Variants in C16orf46 observed in about 807,000 individuals in gnomAD.
C16orf46 encodes the protein chromosome 16 open reading frame 46.
A neutral mutation model predicts 5.5 loss-of-function variants in C16orf46; 7 were observed. The ratio of observed to expected loss-of-function variants is 1.28; its 90% CI spans 0.73 to 2.40. The LOEUF (loss-of-function observed/expected upper bound fraction) is 2.40, where lower values mean the gene tolerates loss of function less well. C16orf46 is among the 30% of genes most tolerant of loss of function. C16orf46 has a pLI of 0.00. For missense variants in C16orf46, 614 were observed against 476.0 expected (o/e 1.29, Z -2.70); for synonymous variants, 200 against 184.1 (o/e 1.09, Z -0.70).
intron 1 of C16orf46, 104 bp from the exon 2 acceptor site, chr16:81,066,385 G>GA (rs1971655626): frequency 6.6e-6 from 1 of 152,140 alleles, no homozygotes; most frequent in East Asian, 1.9e-4. Flanking sequence ...CGTCGCCCAG[G>GA]CTGGAGTGCA....
chr16:81,067,365 G>C (rs1165525793), intron 1 of C16orf46, among the ~76,000 whole-genome samples: 1 of 152,178 alleles, frequency 6.6e-6, no homozygotes, highest in South Asian at 2.1e-4. Flanking sequence ...AGATGGGTAT[G>C]AGGACATGGG....
At chr16:81,054,807 C>A (rs2151745072) in intron 3 of C16orf46, among the ~76,000 whole-genome samples, 1 of 151,098 alleles carries the variant, frequency 6.6e-6, no homozygotes, top group African/African-American at 2.4e-5. Flanking sequence ...CACCACCACG[C>A]CCCCTAATTT....
At chr16:81,067,609 A>G (rs893721694) in intron 1 of C16orf46, among the ~76,000 whole-genome samples, 3 of 152,150 alleles carry the variant, frequency 2.0e-5, no homozygotes, top group East Asian at 1.9e-4. Context: ...TTGGAGTACA[A>G]TGGTGTGATC....
At chr16:81,055,911 T>A (rs1272273497) in intron 3 of C16orf46, 1 of 152,036 alleles carries the variant, frequency 6.6e-6, no homozygotes. Context: ...AGAGACGGGG[T>A]TTCGCCATAT....
At chr16:81,068,353 C>T (rs765584231) in intron 1 of C16orf46, among the ~76,000 whole-genome samples, 6 of 152,052 alleles carry the variant, frequency 3.9e-5, no homozygotes, top group Admixed American at 6.6e-5. Flanking sequence ...ATTGGGAAAG[C>T]GGGGGAGAAA....
intron 1 of C16orf46, among the ~76,000 whole-genome samples, chr16:81,066,586 G>A (rs1343844267): frequency 6.6e-6 from 1 of 152,186 alleles, no homozygotes; most frequent in Non-Finnish European, 1.5e-5. Context: ...TAATGGCCAA[G>A]AATCAATAGA....
chr16:81,063,603 A>G (rs1971557111), intron 3 of C16orf46, 143 bp downstream of exon 3: 2 of 685,008 alleles, frequency 2.9e-6, no homozygotes, highest in Non-Finnish European at 4.9e-6. Flanking sequence ...ATCATCAGTA[A>G]TATTTTACCT....
chr16:81,067,748 T>C (rs1220001056), intron 1 of C16orf46, among the ~76,000 whole-genome samples: 1 of 152,118 alleles, frequency 6.6e-6, no homozygotes, highest in African/African-American at 2.4e-5. Flanking sequence ...AAACGGAGTT[T>C]TACCATGCTG....
At chr16:81,054,173 G>A in intron 3 of C16orf46, 1 of 1,370,088 alleles carries the variant, frequency 7.3e-7, no homozygotes, top group African/African-American at 1.4e-5. Context: ...CAATGCATCT[G>A]AATTATGACA....
rs146341131 is a variant in C16orf46 at position 81,070,252 on chromosome 16, A to G, written c.-127-3971T>C. On this transcript the variant is annotated intron_variant, in intron 1 of 3. Transcript: ENST00000299578. ...CTGCACTGATGAATACTGAGATGAT[A>G]TAAATAGGAATCTAGAGCAGGATTC... 5.4e-3 allele frequency among the ~76,000 whole-genome samples: 830 copies of G among 152,364 alleles called. 6 individuals are homozygous for G. Among genetic ancestry groups the G allele is most frequent in the East Asian group, 0.022 (112 of 5,196 alleles).
downstream of C16orf46, chr16:81,060,892 A>G (rs751452474): frequency 9.4e-5 from 92 of 976,842 alleles, no homozygotes; most frequent in Non-Finnish European, 1.2e-4. Flanking sequence ...GGCTGGCAAG[A>G]CCAATTGGCA....
chr16:81,064,195 C>T (rs1238385651), intron 2 of C16orf46, among the ~76,000 whole-genome samples: 2 of 151,964 alleles, frequency 1.3e-5, no homozygotes, highest in Non-Finnish European at 2.9e-5. Context: ...ACCAGTCTGG[C>T]CAACATGGTG....
At chr16:81,058,388 C>T (rs1345839146), downstream of C16orf46, among the ~76,000 whole-genome samples, 2 of 152,176 alleles carry the variant, frequency 1.3e-5, no homozygotes, top group African/African-American at 2.4e-5. Flanking sequence ...TTTCCTGGAA[C>T]ACCTCCGTAT....
chr16:81,074,257 T>C (rs183639357), intron 1 of C16orf46, among the ~76,000 whole-genome samples: 15 of 152,384 alleles, frequency 9.8e-5, no homozygotes, highest in African/African-American at 3.6e-4. Context: ...TGCCTGGAAC[T>C]GAAAGCAATA....
At chr16:81,063,555 C>T (rs555861716) in intron 3 of C16orf46, among the ~76,000 whole-genome samples, 191 bp downstream of exon 3, 3 of 152,314 alleles carry the variant, frequency 2.0e-5, no homozygotes, top group African/African-American at 7.2e-5. Flanking sequence ...TGTCCACATA[C>T]TAAGTGGCCA....
intron 3 of C16orf46, among the ~76,000 whole-genome samples, chr16:81,054,271 AC>A: frequency 6.1e-5 from 1 of 16,442 alleles, no homozygotes; most frequent in Non-Finnish European, 1.7e-3. Flanking sequence ...GCAAACAACA[AC>A]AACAACAACA....
intron 3 of C16orf46, among the ~76,000 whole-genome samples, chr16:81,055,117 C>T (rs199939810): frequency 5.9e-5 from 9 of 152,242 alleles, no homozygotes; most frequent in East Asian, 5.8e-4. Context: ...ATGAGGATTT[C>T]GTTGAACAGC....
intron 1 of C16orf46, among the ~76,000 whole-genome samples, chr16:81,067,752 C>T (rs1312783417): frequency 6.6e-6 from 1 of 152,022 alleles, no homozygotes; most frequent in African/African-American, 2.4e-5. Context: ...GGAGTTTTAC[C>T]ATGCTGGCCA....
chr16:81,075,160 A>G (rs1971988266), intron 1 of C16orf46, among the ~76,000 whole-genome samples: 1 of 152,114 alleles, frequency 6.6e-6, no homozygotes, highest in Non-Finnish European at 1.5e-5. Flanking sequence ...ATGTTTCTAA[A>G]TCTTTTCTAC....
Sources: gnomAD v4.1 joint callset for allele counts (sites outside exome capture counted in the v4.1 genomes callset) on GRCh38, gnomAD v4.1.1 for gene constraint, MANE v1.5 for transcripts, NCBI Gene and HGNC (gene_info 2026-07-23, HGNC 2026-07-21) for gene names.